Variants in CDH4 observed in about 807,000 individuals in gnomAD.
The protein encoded by CDH4 is cadherin 4.
Under a neutral mutation model 86.0 loss-of-function variants are expected in CDH4, and 33 were observed. That is an observed-to-expected ratio of 0.38 (90% CI 0.29 to 0.51). The LOEUF is 0.51. Among genes scored for constraint, CDH4 ranks in the 20% least tolerant of loss-of-function variants. The probability of loss-of-function intolerance (pLI) is 0.86; values close to 1 mark genes in which losing one functional copy is unlikely to be tolerated. For missense variants in CDH4, 1,114 were observed against 1,307.4 expected, an observed-to-expected ratio of 0.85 and a Z score of 2.28; for synonymous variants, 555 against 549.4, an observed-to-expected ratio of 1.01 and a Z score of -0.14.
chr20:61,936,682 T>C (rs1302570393), intron 15 of CDH4, 55 bp from the exon 16 acceptor site: 2 of 1,405,808 alleles, frequency 1.4e-6, no homozygotes, highest in Non-Finnish European at 1.9e-6. Flanking sequence ...TTCCATCTGA[T>C]CCCGGGGCTG....
At chr20:61,463,968 A>G (rs944715960) in intron 2 of CDH4, among the ~76,000 whole-genome samples, 1 of 152,200 alleles carries the variant, frequency 6.6e-6, no homozygotes, top group African/African-American at 2.4e-5. Flanking sequence ...GAAATGACAA[A>G]GGAAGGGTTT....
At chr20:61,583,541 G>A (rs2086447791) in intron 2 of CDH4, among the ~76,000 whole-genome samples, 1 of 152,184 alleles carries the variant, frequency 6.6e-6, no homozygotes, top group African/African-American at 2.4e-5. Flanking sequence ...GAGCTGAGCT[G>A]GCATCCAGTG....
chr20:61,819,377 C>G (rs1385272213), intron 4 of CDH4, among the ~76,000 whole-genome samples: 1 of 150,936 alleles, frequency 6.6e-6, no homozygotes, highest in African/African-American at 2.4e-5. Flanking sequence ...ACGCGTCGCT[C>G]GCTCTGCCCC....
intron 2 of CDH4, among the ~76,000 whole-genome samples, chr20:61,542,625 A>AAACAAAAGCCCCT (rs1259158577): frequency 1.3e-5 from 2 of 152,204 alleles, no homozygotes; most frequent in Non-Finnish European, 2.9e-5. Flanking sequence ...TAGCATAAGA[A>AAACAAAAGCCCCT]AACAAAAGCC....
chr20:61,871,784 TTTGA>T (rs1329687888), intron 6 of CDH4, among the ~76,000 whole-genome samples: 2 of 152,186 alleles, frequency 1.3e-5, no homozygotes, highest in Admixed American at 1.3e-4. Context: ...CATAAATCTG[TTTGA>T]TTGAACTATA....
chr20:61,934,994 C>T (rs897733301), intron 15 of CDH4, among the ~76,000 whole-genome samples: 2 of 152,264 alleles, frequency 1.3e-5, no homozygotes, highest in Non-Finnish European at 2.9e-5. Context: ...CGTCTTCCAT[C>T]TTCCTTTGCG....
In CDH4 at chr20:61,254,837, G is replaced by A. The variant is rs773329458; in HGVS notation, c.69G>A (p.Glu23=). The stretch of plus-strand genomic sequence containing the variant: ...CTTTGTGTTCTCAGGCCCATAATGA[G>A]GATCTTACAACTAGAGAGACCTGCA... ...SLSGALRAHN[E]DLTTRETCKA... is the part of the protein sequence containing the mutation. Residue 23 remains glutamate, a synonymous_variant, in exon 2 of 16, where the codon GAG becomes GAA. Coordinates refer to ENST00000614565, the MANE Select transcript of CDH4 (RefSeq NM_001794.5). 6 of 1,599,900 alleles carry A rather than the reference G, an allele frequency of 3.8e-6. No individual in the cohort carries two copies. Among genetic ancestry groups the A allele is most frequent in the Non-Finnish European group, 5.1e-6 (6 of 1,167,170 alleles).
At chr20:61,385,903 C>T (rs966073983) in intron 2 of CDH4, among the ~76,000 whole-genome samples, 1 of 152,240 alleles carries the variant, frequency 6.6e-6, no homozygotes, top group Admixed American at 6.5e-5. Context: ...ATGTAGATTG[C>T]AGCTGCGGTT....
chr20:61,300,214 G>T (rs1490532573), intron 2 of CDH4, among the ~76,000 whole-genome samples: 1 of 152,108 alleles, frequency 6.6e-6, no homozygotes. Context: ...CAGGCAGTGG[G>T]GTCAGGTGCC....
At chr20:61,828,788 G>T (rs1169944193) in intron 4 of CDH4, among the ~76,000 whole-genome samples, 1 of 152,184 alleles carries the variant, frequency 6.6e-6, no homozygotes, top group African/African-American at 2.4e-5. Flanking sequence ...TATTTTACCT[G>T]CCTCAGCGTA....
intron 2 of CDH4, among the ~76,000 whole-genome samples, chr20:61,660,449 C>CG (rs2087240701): frequency 6.6e-6 from 1 of 152,172 alleles, no homozygotes; most frequent in South Asian, 2.1e-4. Context: ...CAGGTGACGC[C>CG]GGGACTCGCT....
At position 61,938,456 on chromosome 20, in the gene CDH4, G is replaced by GT. The variant is rs2055223023; in HGVS notation, c.*1513_*1514insT. ...CAGGCCCCACGTGGGGAAGCCTCGTGCTTGGTCAGCTTTCTGTCTCTCCCA... is the reference window on the plus strand; with the variant it reads ...CAGGCCCCACGTGGGGAAGCCTCGTGTCTTGGTCAGCTTTCTGTCTCTCCCA... On this transcript the variant is annotated 3_prime_UTR_variant, in exon 16 of 16. Coordinates refer to ENST00000614565, the MANE Select transcript of CDH4 (RefSeq NM_001794.5). The GT allele has an allele frequency of 6.6e-6, 1 of 152,480 alleles. No homozygotes were observed. Among genetic ancestry groups the GT allele is most frequent in the South Asian group, 2.1e-4 (1 of 4,836 alleles). The allele number at this position is 152,480 out of a possible 1,614,324, so 9.4% of individuals were successfully genotyped here.
At chr20:61,499,559 T>G in intron 2 of CDH4, 2 of 1,252,440 alleles carry the variant, frequency 1.6e-6, no homozygotes, top group Non-Finnish European at 2.1e-6. Flanking sequence ...AACTGGGCCC[T>G]GATGCTTCAG....
chr20:61,926,143 G>GGA (rs1256016893), intron 11 of CDH4, among the ~76,000 whole-genome samples: 1 of 152,212 alleles, frequency 6.6e-6, no homozygotes, highest in Non-Finnish European at 1.5e-5. Flanking sequence ...AGAAGAGCTG[G>GGA]GAGAAAACAA....
chr20:61,579,889 G>A (rs6121708), intron 2 of CDH4, among the ~76,000 whole-genome samples: 4,125 of 152,120 alleles, frequency 0.027, 75 homozygotes, highest in Middle Eastern at 0.071. Context: ...AGCCAAAAAT[G>A]TACTGCCTTT....
At chr20:61,273,470 G>T (rs2084199261) in intron 2 of CDH4, among the ~76,000 whole-genome samples, 1 of 17,698 alleles carries the variant, frequency 5.7e-5, no homozygotes, top group Non-Finnish European at 1.2e-4. Flanking sequence ...ACCATGTGCA[G>T]TTTGGGGGAG....
At chr20:61,276,659 C>G (rs1390160224) in intron 2 of CDH4, among the ~76,000 whole-genome samples, 1 of 152,126 alleles carries the variant, frequency 6.6e-6, no homozygotes, top group Admixed American at 6.6e-5. Flanking sequence ...GCCAAGTCAG[C>G]TGTTTTGATG....
chr20:61,448,210 G>A (rs1240419969), intron 2 of CDH4, among the ~76,000 whole-genome samples: 2 of 152,248 alleles, frequency 1.3e-5, no homozygotes, highest in East Asian at 3.8e-4. Flanking sequence ...AATTCCTTCT[G>A]TATCCCAGGA....
In CDH4 at chr20:61,928,710, G is replaced by T. The variant is rs2055073329; in HGVS notation, c.2005+287G>T. On this transcript the variant is annotated intron_variant, in intron 12 of 15. Transcript: ENST00000614565. The stretch of plus-strand genomic sequence containing the variant: ...ACATCCATGACAACTTCCTGTGCCG[G>T]TTGTCAGTTGACTGGACCCTGACTG... 1.3e-5 allele frequency among the ~76,000 whole-genome samples: 2 copies of T among 152,330 alleles called. 1 individual carries two copies. Among genetic ancestry groups the T allele is most frequent in the South Asian group, 4.1e-4 (2 of 4,822 alleles).
Sources: gnomAD v4.1 joint callset for allele counts (sites outside exome capture counted in the v4.1 genomes callset) on GRCh38, gnomAD v4.1.1 for gene constraint, MANE v1.5 for transcripts, NCBI Gene and HGNC (gene_info 2026-07-23, HGNC 2026-07-21) for gene names.